The following SRCAP variants were observed in gnomAD, a reference collection of about 807,000 sequenced individuals.
The protein encoded by SRCAP is Snf2 related CREBBP activator protein.
Under a neutral mutation model 263.1 loss-of-function variants are expected in SRCAP, and 46 were observed. The observed-to-expected ratio is 0.17, with a 90% CI of 0.14 to 0.22. SRCAP has a LOEUF of 0.22. Ranked by LOEUF, SRCAP falls within the 10% of genes least tolerant of loss-of-function variation. The probability of loss-of-function intolerance (pLI) is 1.00; values close to 1 mark genes in which losing one functional copy is unlikely to be tolerated. For missense variants in SRCAP, 3,695 were observed against 4,181.9 expected (o/e 0.88, Z 3.21); for synonymous variants, 1,813 against 1,662.1 (o/e 1.09, Z -2.21).
At chr16:30,704,798 T>C (rs2052808261) in intron 4 of SRCAP, among the ~76,000 whole-genome samples, 1 of 152,068 alleles carries the variant, frequency 6.6e-6, no homozygotes, top group African/African-American at 2.4e-5. Flanking sequence ...GCCACGATTA[T>C]GCCACTGCAC....
At chr16:30,713,978 A>G (rs568946137) in intron 16 of SRCAP, among the ~76,000 whole-genome samples, 2 of 151,150 alleles carry the variant, frequency 1.3e-5, no homozygotes, top group African/African-American at 4.9e-5. Context: ...ATTCACTGCA[A>G]ACTCCGCCTT....
At position 30,721,205 on chromosome 16, in the gene SRCAP, G is replaced by T; in HGVS notation, c.3270G>T (p.Leu1090=). Residue 1090 remains leucine, a synonymous_variant, in exon 21 of 34, where the codon CTG becomes CTT. Transcript: ENST00000262518. ...TGTCTGCAGTGTTGCCATCCCCCCT[G>T]GGGGTCCTGAGTGGGACCTCACGGC... The part of the protein sequence containing the change: ...GSLPQVLPSP[L]GVLSGTSRPP... 4 of 1,610,588 alleles carry T rather than the reference G, an allele frequency of 2.5e-6. No individual in the cohort carries two copies. Among genetic ancestry groups the T allele is most frequent in the Non-Finnish European group, 3.4e-6 (4 of 1,178,070 alleles).
chr16:30,714,282 T>C (rs911408181), intron 16 of SRCAP, among the ~76,000 whole-genome samples: 1 of 151,626 alleles, frequency 6.6e-6, no homozygotes, highest in Non-Finnish European at 1.5e-5. Flanking sequence ...GCCAGGATGG[T>C]CTCCATCTCC....
rs922418170 is a variant in SRCAP, at chr16:30,714,399, C to T, written c.2493+688C>T. ...TAATTTTTTGTATTTTTAGTAGAGT[C>T]GGAGTTTCACCGTGTTAGCCAGGAT... On this transcript the variant is annotated intron_variant, in intron 16 of 33. Coordinates refer to ENST00000262518, the MANE Select transcript of SRCAP (RefSeq NM_006662.3). 7.3e-5 allele frequency among the ~76,000 whole-genome samples: 11 copies of T among 151,722 alleles called. No homozygotes were observed. The East Asian group carries it at 2.1e-3, about 29-fold the overall frequency.
intron 27 of SRCAP, among the ~76,000 whole-genome samples, chr16:30,730,809 A>G (rs535462685): frequency 6.7e-6 from 1 of 149,852 alleles, no homozygotes; most frequent in East Asian, 2.0e-4. Context: ...CTGGGATTAC[A>G]GGTGCCCACC....
Position 30,725,320 on chromosome 16 carries a change from CT to C in SRCAP, c.5658+239del. The C allele has an allele frequency of 4.1e-6, 3 of 736,566 alleles. No individual in the cohort carries two copies. In the South Asian group the frequency reaches 7.4e-5, roughly 18 times the overall value. The allele number at this position is 736,566 out of a possible 1,614,324, so 45.6% of individuals were successfully genotyped here. A position where few individuals can be genotyped will look rare whatever the true frequency, so the allele number is the denominator to read the frequency against. ...ACAGGGGTGAGCCACCACGCCCGGC[CT>C]CTTTTCCCGTTTTTTAACCCGCACG... is the stretch of plus-strand genomic sequence containing the variant. On this transcript the variant is annotated intron_variant, in intron 25 of 33. Transcript: ENST00000262518.
Position 30,738,922 on chromosome 16 carries a change from A to G in SRCAP, c.8882A>G (p.Asn2961Ser). 1.2e-6 allele frequency: 2 copies of G among 1,613,378 alleles called. No individual in the cohort carries two copies. The highest frequency in any genetic ancestry group is 8.5e-7 in the Non-Finnish European group (1 of 1,179,868). ...PGTISSAGDG[N>S]SESRTQPPPH... Reference sequence around the variant, plus strand: ...ACCATTTCCTCTGCAGGGGATGGCAACTCCGAAAGTCGGACACAGCCACCC... The same window carrying G: ...ACCATTTCCTCTGCAGGGGATGGCAGCTCCGAAAGTCGGACACAGCCACCC... The change falls in exon 34 of 34, where the codon AAC becomes AGC. Residue 2961 changes from asparagine to serine, a missense_variant. Physicochemically the swap from Asn to Ser is conservative, Grantham distance 46. Transcript: ENST00000262518.
At chr16:30,730,744 G>A (rs1385371816) in intron 27 of SRCAP, among the ~76,000 whole-genome samples, 1 of 121,474 alleles carries the variant, frequency 8.2e-6, no homozygotes, top group South Asian at 2.5e-4. Context: ...TTTTTTTTTT[G>A]AGATGGAGTT....
chr16:30,701,249 G>GGT (rs1267680604), intron 3 of SRCAP: 4 of 170,474 alleles, frequency 2.3e-5, no homozygotes, highest in African/African-American at 9.5e-5. Flanking sequence ...ACCAAGGAAG[G>GGT]GTGTGGGGTA....
At chr16:30,734,927 G>A (rs577442713) in intron 31 of SRCAP, among the ~76,000 whole-genome samples, 1 of 152,100 alleles carries the variant, frequency 6.6e-6, no homozygotes, top group East Asian at 1.9e-4. Flanking sequence ...AGGGCATGGT[G>A]GGTAGCTCAT....
Position 30,700,608 on chromosome 16 carries a change from T to A in SRCAP, c.-209-8T>A. The A allele has an allele frequency of 7.9e-6, 3 of 381,954 alleles. No individual in the cohort carries two copies. The highest frequency in any genetic ancestry group is 4.3e-5 in the Admixed American group (1 of 23,410). 23.7% of individuals were successfully genotyped at this position (381,954 alleles called of 1,614,324 possible). A position where few individuals can be genotyped will look rare whatever the true frequency, so the allele number is the denominator to read the frequency against. ...CTGTCTTTTTTTTTTTTTTTAACCCTACTTTAGGTGCTCCAGAGGCTGGTG... is the reference window on the plus strand; with the variant it reads ...CTGTCTTTTTTTTTTTTTTTAACCCAACTTTAGGTGCTCCAGAGGCTGGTG... On this transcript the variant is annotated splice_region_variant and splice_polypyrimidine_tract_variant and intron_variant, in intron 2 of 33. Transcript: ENST00000262518.
In SRCAP at chr16:30,711,760, T is replaced by C; in HGVS notation, c.1492+16T>C. On this transcript the variant is annotated intron_variant, in intron 11 of 33. Transcript: ENST00000262518. ...AGTCAGTCAGGTGAATATGTGGTCA[T>C]GAAGCAGGAGCTGGGGAGGGTGGCC... 1 of 1,610,984 alleles carries C rather than the reference T, an allele frequency of 6.2e-7. No individual in the cohort carries two copies. The highest frequency in any genetic ancestry group is 8.5e-7 in the Non-Finnish European group (1 of 1,177,766).
In SRCAP at chr16:30,720,950, G is replaced by A; in HGVS notation, c.3225G>A (p.Leu1075=). The A allele has an allele frequency of 1.2e-6, 2 of 1,611,586 alleles. No homozygotes were observed. The highest frequency in any genetic ancestry group is 1.7e-6 in the Non-Finnish European group (2 of 1,178,672). Residue 1075 remains leucine (L), a synonymous_variant, in exon 20 of 34, where the codon CTG becomes CTA. Coordinates refer to ENST00000262518, the MANE Select transcript of SRCAP (RefSeq NM_006662.3). ...RPPGPVLLPP[L]QPNSGSLPQV... ...CTGGCCCTGTCCTCTTGCCTCCACT[G>A]CAGCCCAACAGTGGTTCTCTCCCCC...
chr16:30,723,671 C>T lies in SRCAP; in HGVS notation c.4247C>T (p.Pro1416Leu), dbSNP rs1222847116. Residue 1416 changes from proline to leucine, a missense_variant, in exon 25 of 34, where the codon CCA becomes CTA. By Grantham distance (98) the Pro-to-Leu change is moderately conservative. This residue lies in a region of SRCAP where 1,347 missense variants were observed against 1,304.4 expected (regional missense o/e 1.03). Transcript: ENST00000262518. ...CCTGGGCCAGCCTCTTCTCCAATGCCAATTCCCAACTCCTCTCCCCTTGCT... is the reference window on the plus strand; with the variant it reads ...CCTGGGCCAGCCTCTTCTCCAATGCTAATTCCCAACTCCTCTCCCCTTGCT... ...SLPGPASSPM[P>L]IPNSSPLASP... is the part of the protein sequence containing the mutation. The T allele has an allele frequency of 3.1e-6, 5 of 1,613,742 alleles. No individual in the cohort carries two copies. The South Asian group carries it at 5.5e-5, about 18-fold the overall frequency.
In SRCAP at chr16:30,710,737, T is replaced by A. The variant is rs755681807; in HGVS notation, c.1135-17T>A. The A allele has an allele frequency of 2.5e-6, 4 of 1,614,032 alleles. No individual in the cohort carries two copies. The highest frequency in any genetic ancestry group is 3.4e-6 in the Non-Finnish European group (4 of 1,179,866). On this transcript the variant is annotated splice_polypyrimidine_tract_variant and intron_variant, in intron 8 of 33. Transcript: ENST00000262518. Reference sequence around the variant, plus strand: ...TGTAACCTTAGACCCTTCCCTTTTTTATCTTTTGCCATACAGATAAAGCCC... The same window carrying A: ...TGTAACCTTAGACCCTTCCCTTTTTAATCTTTTGCCATACAGATAAAGCCC...
At chr16:30,722,839 G>C (rs925125015) in intron 23 of SRCAP, 91 bp downstream of exon 23, 3 of 1,546,692 alleles carry the variant, frequency 1.9e-6, no homozygotes, top group Non-Finnish European at 2.6e-6. Flanking sequence ...TTCCCTCAGT[G>C]TTGTTTTCCC....
intron 4 of SRCAP, among the ~76,000 whole-genome samples, chr16:30,706,671 AG>A (rs1044420813): frequency 1.3e-5 from 2 of 152,232 alleles, no homozygotes; most frequent in African/African-American, 4.8e-5. Context: ...TAAAAACAAC[AG>A]TGTGTCAGTT....
chr16:30,703,249 A>T (rs979456058), intron 3 of SRCAP, among the ~76,000 whole-genome samples: 1 of 150,628 alleles, frequency 6.6e-6, no homozygotes, highest in Admixed American at 6.6e-5. Flanking sequence ...CAGTGGCGCG[A>T]TCTCGGCTCA....
In SRCAP at chr16:30,724,524, C is replaced by G. The variant is rs754614890; in HGVS notation, c.5100C>G (p.Leu1700=). 10 of 1,614,218 alleles carry G rather than the reference C, an allele frequency of 6.2e-6. No individual in the cohort carries two copies. Among genetic ancestry groups the G allele is most frequent in the South Asian group, 5.5e-5 (5 of 91,090 alleles). The change falls in exon 25 of 34, where the codon CTC becomes CTG. Residue 1700 remains leucine, a synonymous_variant. Coordinates refer to ENST00000262518, the MANE Select transcript of SRCAP (RefSeq NM_006662.3). ...TLGGSSPSQT[L]SLGTGNPQGP... Reference sequence around the variant, plus strand: ...GAGGCTCATCTCCATCTCAGACACTCTCTTTGGGAACGGGGAACCCCCAGG... The same window carrying G: ...GAGGCTCATCTCCATCTCAGACACTGTCTTTGGGAACGGGGAACCCCCAGG...
Sources: allele counts gnomAD v4.1 joint callset (sites outside exome capture counted in the v4.1 genomes callset), GRCh38; gene constraint gnomAD v4.1.1; regional missense constraint gnomAD v4.1.1; transcripts MANE v1.5; gene names NCBI Gene and HGNC (gene_info 2026-07-23, HGNC 2026-07-21).